AFG2A: variants seen among roughly 807,000 people sequenced by gnomAD.
AFG2A encodes the protein AAA ATPase AFG2A.
chr4:122,998,182 T>G, the AFG2A span, among the ~76,000 whole-genome samples: 1 of 152,028 alleles, frequency 6.6e-6, no homozygotes, highest in African/African-American at 2.4e-5. Context: ...TTGTTGTTGT[T>G]GAATGTACCT....
chr4:122,935,254 A>G, the AFG2A span, among the ~76,000 whole-genome samples: 1 of 152,168 alleles, frequency 6.6e-6, no homozygotes, highest in Middle Eastern at 3.4e-3. Context: ...ATATACATAC[A>G]TGTATGTATA....
At chr4:123,124,151 C>T in the AFG2A span, among the ~76,000 whole-genome samples, 2 of 152,052 alleles carry the variant, frequency 1.3e-5, no homozygotes, top group African/African-American at 2.4e-5. Flanking sequence ...TATACCCAAA[C>T]GATTATAAAT....
chr4:123,117,917 C>T, the AFG2A span, among the ~76,000 whole-genome samples: 3 of 151,538 alleles, frequency 2.0e-5, no homozygotes, highest in Non-Finnish European at 4.4e-5. Context: ...GAGAAAAATT[C>T]AGACAAGAAA....
the AFG2A span, among the ~76,000 whole-genome samples, chr4:123,174,673 G>A: frequency 6.6e-6 from 1 of 151,970 alleles, no homozygotes; most frequent in African/African-American, 2.4e-5. Flanking sequence ...TTGAAGACTG[G>A]TTTACAAAAT....
the AFG2A span, among the ~76,000 whole-genome samples, chr4:123,089,561 A>T: frequency 6.6e-6 from 1 of 152,070 alleles, no homozygotes; most frequent in East Asian, 1.9e-4. Context: ...TTTGTTCATT[A>T]GTAGGATCTG....
the AFG2A span, among the ~76,000 whole-genome samples, chr4:123,262,855 AAGG>A: frequency 6.6e-6 from 1 of 152,362 alleles, no homozygotes; most frequent in Non-Finnish European, 1.5e-5. Context: ...CTATAGGAGA[AAGG>A]AGGAGGAGTA....
At chr4:123,057,230 G>T in the AFG2A span, 1 of 1,613,948 alleles carries the variant, frequency 6.2e-7, no homozygotes, top group Non-Finnish European at 8.5e-7. Flanking sequence ...AGCAAGAGCA[G>T]TGGCGCCTTC....
At chr4:123,289,737 G>A in the AFG2A span, among the ~76,000 whole-genome samples, 1 of 152,138 alleles carries the variant, frequency 6.6e-6, no homozygotes, top group Admixed American at 6.5e-5. Flanking sequence ...GGGGTAAGAT[G>A]ATATCTCATT....
At chr4:123,253,207 G>A in the AFG2A span, among the ~76,000 whole-genome samples, 1 of 152,122 alleles carries the variant, frequency 6.6e-6, no homozygotes, top group South Asian at 2.1e-4. Context: ...CTGGGGCTGG[G>A]CACGGTGGCT....
At chr4:123,253,230 C>A in the AFG2A span, among the ~76,000 whole-genome samples, 3 of 152,188 alleles carry the variant, frequency 2.0e-5, no homozygotes, top group South Asian at 6.2e-4. Context: ...AGCCTGTAAT[C>A]CCAGCACTTT....
At chr4:123,134,896 C>G in the AFG2A span, among the ~76,000 whole-genome samples, 9 of 152,168 alleles carry the variant, frequency 5.9e-5, 1 homozygote, top group African/African-American at 2.2e-4. Context: ...GGGAATACCT[C>G]CAGACTCATT....
the AFG2A span, among the ~76,000 whole-genome samples, chr4:123,047,027 T>G: frequency 6.6e-6 from 1 of 152,222 alleles, no homozygotes; most frequent in Non-Finnish European, 1.5e-5. Flanking sequence ...CTCCATACCC[T>G]GGCTGTTGTA....
At chr4:122,931,447 G>A in the AFG2A span, among the ~76,000 whole-genome samples, 6 of 151,968 alleles carry the variant, frequency 3.9e-5, no homozygotes, top group Non-Finnish European at 8.8e-5. Flanking sequence ...AGGGAAATAC[G>A]TATGTGTGTG....
the AFG2A span, among the ~76,000 whole-genome samples, chr4:123,246,207 A>G: frequency 3.2e-4 from 49 of 152,336 alleles, no homozygotes; most frequent in African/African-American, 1.0e-3. Context: ...AAAAGGGGAA[A>G]GTGTCTAATA....
the AFG2A span, among the ~76,000 whole-genome samples, chr4:123,274,720 G>T: frequency 6.6e-6 from 1 of 152,050 alleles, no homozygotes; most frequent in Non-Finnish European, 1.5e-5. Flanking sequence ...TTGAGAGGCT[G>T]TCTGGGAATG....
At chr4:123,309,493 A>G in the AFG2A span, among the ~76,000 whole-genome samples, 4 of 152,242 alleles carry the variant, frequency 2.6e-5, no homozygotes, top group African/African-American at 9.6e-5. Context: ...TACTAGTAGC[A>G]TTGGAGATTA....
At chr4:123,318,775 A>AG in the AFG2A span, 3 of 52,322 alleles carry the variant, frequency 5.7e-5, no homozygotes, top group South Asian at 4.0e-4. Flanking sequence ...AAAAAAAAAA[A>AG]AGGGGGGAAC....
At chr4:123,007,128 G>T in the AFG2A span, among the ~76,000 whole-genome samples, 1 of 151,718 alleles carries the variant, frequency 6.6e-6, no homozygotes, top group Non-Finnish European at 1.5e-5. Flanking sequence ...TAATTTTGAG[G>T]TGTGGTTAAG....
At chr4:123,025,876 A>G in the AFG2A span, among the ~76,000 whole-genome samples, 2 of 152,206 alleles carry the variant, frequency 1.3e-5, no homozygotes, top group Non-Finnish European at 2.9e-5. Context: ...ATTTAAAAAT[A>G]TTAAAGCATG....
Sources: allele counts gnomAD v4.1 joint callset (sites outside exome capture counted in the v4.1 genomes callset), GRCh38; gene constraint gnomAD v4.1.1; transcripts MANE v1.5; gene names NCBI Gene and HGNC (gene_info 2026-07-23, HGNC 2026-07-21).